LIMS2: variants seen among roughly 807,000 people sequenced by gnomAD.
LIMS2 encodes the protein LIM zinc finger domain containing 2, also known as LIM and senescent cell antigen-like-containing domain protein 2.
Under a neutral mutation model 45.3 loss-of-function variants are expected in LIMS2, and 30 were observed. That is an observed-to-expected ratio of 0.66 (90% confidence interval 0.50 to 0.90). The LOEUF (loss-of-function observed/expected upper bound fraction) is 0.90. Among genes scored for constraint, LIMS2 ranks in the 40% least tolerant of loss-of-function variants. The probability of loss-of-function intolerance (pLI) is 0.00; values close to 1 mark genes in which losing one functional copy is unlikely to be tolerated. For missense variants in LIMS2, 485 were observed against 468.7 expected, an observed-to-expected ratio of 1.03 and a Z score of -0.32; for synonymous variants, 173 against 188.0, an observed-to-expected ratio of 0.92 and a Z score of 0.65.
rs1324723100 is a variant in LIMS2 at position 127,653,081 on chromosome 2, C to T, written c.359+1343G>A. Among the ~76,000 whole-genome samples the T allele has an allele frequency of 6.6e-6, 1 of 152,188 alleles. No individual in the cohort carries two copies. The highest frequency in any genetic ancestry group is 1.5e-5 in the Non-Finnish European group (1 of 68,030). ...TGCACTGCACCGTCTGCCCCTCAGC[C>T]CTTCATTTAGACAAGCTGCTCAATG... is the stretch of plus-strand genomic sequence containing the variant. On this transcript the variant is annotated intron_variant, in intron 4 of 9. Coordinates refer to ENST00000355119, the MANE Select transcript of LIMS2 (RefSeq NM_001161403.3). The surrounding 1 kb of genome is among the most constrained non-coding windows in gnomAD (Gnocchi z 5.3).
rs143117627 is a variant in LIMS2, at chr2:127,657,535, G to T, written c.39C>A (p.Ala13=). ...GSNMSDALAN[A]VCQRCQARFS... ...AGCGGGCCTGGCAGCGCTGGCACAC[G>T]GCGTTGGCCAAGGCGTCCGACATAT... Residue 13 remains alanine, a synonymous_variant, in exon 2 of 10, where the codon GCC becomes GCA. Coordinates refer to ENST00000355119, the MANE Select transcript of LIMS2 (RefSeq NM_001161403.3). 1.2e-6 allele frequency: 2 copies of T among 1,609,558 alleles called. No homozygotes were observed. Among genetic ancestry groups the T allele is most frequent in the African/African-American group, 2.7e-5 (2 of 75,052 alleles).
At position 127,659,104 on chromosome 2, in the gene LIMS2, T is replaced by C. The variant is rs558269721; in HGVS notation, c.12-1542A>G. Reference sequence around the variant, plus strand: ...CTGGGCATGGGCTGTGGGCGGAGGGTCTCACAGGAGGCTGCTGCGAAATGG... The same window carrying C: ...CTGGGCATGGGCTGTGGGCGGAGGGCCTCACAGGAGGCTGCTGCGAAATGG... On this transcript the variant is annotated intron_variant, in intron 1 of 9. Transcript: ENST00000355119. Among the ~76,000 whole-genome samples the C allele has an allele frequency of 2.7e-5, 4 of 150,666 alleles. No individual in the cohort carries two copies. The East Asian group carries it at 7.8e-4, about 29-fold the overall frequency.
At chr2:127,648,242 T>C in intron 4 of LIMS2, 4 of 975,762 alleles carry the variant, frequency 4.1e-6, no homozygotes, top group Non-Finnish European at 4.9e-6. Context: ...GTGTTAGAAC[T>C]TCAGGCATCT....
At chr2:127,673,869 G>A (rs943067808) in intron 1 of LIMS2, 80 of 778,122 alleles carry the variant, frequency 1.0e-4, no homozygotes, top group Admixed American at 2.3e-4. Context: ...GCCACTCTCC[G>A]GGGGATGAGT....
chr2:127,675,380 A>T lies in LIMS2; in HGVS notation c.-356T>A, dbSNP rs1468462905. 1.5e-4 allele frequency: 2 copies of T among 13,466 alleles called. No homozygotes were observed. The highest frequency in any genetic ancestry group is 2.9e-4 in the Non-Finnish European group (2 of 6,798). The allele number at this position is 13,466 out of a possible 1,614,324, so 0.8% of individuals were successfully genotyped here. A position where few individuals can be genotyped will look rare whatever the true frequency, so the allele number is the denominator to read the frequency against. The stretch of plus-strand genomic sequence containing the variant: ...CTGACGGTGGGGTTGGAGGGGTGAG[A>T]GTGAGGCGGGGGTGGGAGTGGGGGT... On this transcript the variant is annotated 5_prime_UTR_variant, in exon 1 of 10. Coordinates refer to ENST00000355119, the MANE Select transcript of LIMS2 (RefSeq NM_001161403.3).
upstream of LIMS2, among the ~76,000 whole-genome samples, chr2:127,679,519 C>T (rs1373667614): frequency 6.6e-6 from 1 of 152,052 alleles, no homozygotes. This position sits in a 1 kb window ranked among gnomAD's most constrained non-coding sequence, Gnocchi z 5.3. Flanking sequence ...GAAGGAGGTG[C>T]AGCATCTCCC....
chr2:127,661,851 A>C (rs1400994733), intron 1 of LIMS2, among the ~76,000 whole-genome samples: 1 of 152,200 alleles, frequency 6.6e-6, no homozygotes, highest in African/African-American at 2.4e-5. Flanking sequence ...AGAGAGAGTC[A>C]GTAACCAGCT....
At chr2:127,648,234 GT>G in intron 4 of LIMS2, 2 of 982,726 alleles carry the variant, frequency 2.0e-6, no homozygotes, top group Non-Finnish European at 1.2e-6. Flanking sequence ...CATCTCTGGT[GT>G]TAGAACTTCA....
At position 127,654,299 on chromosome 2, in the gene LIMS2, C is replaced by T. The variant is rs538929535; in HGVS notation, c.359+125G>A. Reference sequence around the variant, plus strand: ...TGACCTGGAGGGAGGGCAGCTACATCAGTGCAGGCTGCAGCACCGGGACCC... The same window carrying T: ...TGACCTGGAGGGAGGGCAGCTACATTAGTGCAGGCTGCAGCACCGGGACCC... On this transcript the variant is annotated intron_variant, in intron 4 of 9. Transcript: ENST00000355119. 2.0e-5 allele frequency: 27 copies of T among 1,322,924 alleles called. No homozygotes were observed. The South Asian group carries it at 3.5e-4, about 17-fold the overall frequency. 81.9% of individuals were successfully genotyped at this position (1,322,924 alleles called of 1,614,324 possible).
At chr2:127,661,324 G>A (rs1413319075) in intron 1 of LIMS2, among the ~76,000 whole-genome samples, 2 of 152,236 alleles carry the variant, frequency 1.3e-5, no homozygotes, top group East Asian at 1.9e-4. Context: ...TGGCACCCAC[G>A]TGTCCAGCAC....
At chr2:127,648,965 GGGGGGAGGGGAGGGA>G (rs1558877359) in intron 4 of LIMS2, among the ~76,000 whole-genome samples, 2 of 23,402 alleles carry the variant, frequency 8.5e-5, no homozygotes, top group African/African-American at 3.7e-4. Flanking sequence ...GGGAGGGGAG[GGGGGGAGGGGAGGGA>G]GGGGAGGGGA....
intron 4 of LIMS2, among the ~76,000 whole-genome samples, chr2:127,649,167 G>GGAAGGAAGGAAGGAAGGAAA (rs1558878358): frequency 2.3e-5 from 2 of 86,706 alleles, no homozygotes; most frequent in African/African-American, 6.1e-5. Flanking sequence ...GAGGAAGGTA[G>GGAAGGAAGGAAGGAAGGAAA]GAAGGAAGGA....
chr2:127,640,891 C>T lies in LIMS2; in HGVS notation c.753+5G>A, dbSNP rs763479900. 2 of 1,613,146 alleles carry T rather than the reference C, an allele frequency of 1.2e-6. No individual in the cohort carries two copies. The highest frequency in any genetic ancestry group is 1.1e-5 in the South Asian group (1 of 91,074). On this transcript the variant is annotated splice_donor_5th_base_variant and intron_variant, in intron 7 of 9. Transcript: ENST00000355119. ...GCATCCCTGAAGGTTCTGCACCGGG[C>T]TCACCTGGTTGTAGTGAGTCTCGCA...
chr2:127,651,659 G>C lies in LIMS2; in HGVS notation c.359+2765C>G, dbSNP rs199833483. On this transcript the variant is annotated intron_variant, in intron 4 of 9. Coordinates refer to ENST00000355119, the MANE Select transcript of LIMS2 (RefSeq NM_001161403.3). ...TGGCTGAGAAGTTCCGCCACGCCCT[G>C]TGCAACTTGCTCTGTGGCAAAAGGC... The C allele has an allele frequency of 3.7e-4, 596 of 1,613,442 alleles. 2 individuals are homozygous for C. Among genetic ancestry groups the C allele is most frequent in the Non-Finnish European group, 3.6e-4 (422 of 1,180,040 alleles).
chr2:127,667,558 A>C lies in LIMS2; in HGVS notation c.11+7456T>G, dbSNP rs1023517980. ...TGGTTTCACATCCAAAATTCAATGT[A>C]ATATACCATATCAATAGAATATAGG... is the stretch of plus-strand genomic sequence containing the variant. On this transcript the variant is annotated intron_variant, in intron 1 of 9. Transcript: ENST00000355119. The surrounding 1 kb of genome is among the most constrained non-coding windows in gnomAD (Gnocchi z 4.1). 2.6e-5 allele frequency among the ~76,000 whole-genome samples: 4 copies of C among 152,258 alleles called. No homozygotes were observed. Among genetic ancestry groups the C allele is most frequent in the African/African-American group, 9.6e-5 (4 of 41,466 alleles).
rs1558900845 is a variant in LIMS2, at chr2:127,667,732, C to T, written c.11+7282G>A. On this transcript the variant is annotated intron_variant, in intron 1 of 9. Transcript: ENST00000355119. The surrounding 1 kb of genome is among the most constrained non-coding windows in gnomAD (Gnocchi z 4.1). Reference sequence around the variant, plus strand: ...GCATCTACCCAAAACCCATAGCTAACATCATACTTAGTGATGAGAAAATGA... The same window carrying T: ...GCATCTACCCAAAACCCATAGCTAATATCATACTTAGTGATGAGAAAATGA... Among the ~76,000 whole-genome samples, 1 of 152,216 alleles carries T rather than the reference C, an allele frequency of 6.6e-6. No individual in the cohort carries two copies. Among genetic ancestry groups the T allele is most frequent in the African/African-American group, 2.4e-5 (1 of 41,458 alleles).
chr2:127,668,692 AAAAAAAAAAAAAAAAAAAAC>A (rs1426971603), intron 1 of LIMS2, among the ~76,000 whole-genome samples: 26 of 134,252 alleles, frequency 1.9e-4, no homozygotes, highest in African/African-American at 4.6e-4. Flanking sequence ...AAAAAAAAAA[AAAAAAAAAAAAAAAAAAAAC>A]ACCTTACTTA....
chr2:127,680,721 G>A (rs867420071), intron 1 of LIMS2, among the ~76,000 whole-genome samples: 2 of 152,176 alleles, frequency 1.3e-5, no homozygotes, highest in African/African-American at 4.8e-5. Flanking sequence ...GTGGACCATC[G>A]AGCTTCACAA....
intron 4 of LIMS2, chr2:127,646,282 G>C (rs955505352): frequency 2.0e-5 from 3 of 152,398 alleles, no homozygotes; most frequent in African/African-American, 7.2e-5. Context: ...TGGGAGCCCA[G>C]GGCTAAGCAG....
Sources: gnomAD v4.1 joint callset for allele counts (sites outside exome capture counted in the v4.1 genomes callset) on GRCh38, gnomAD v4.1.1 for gene constraint, Gnocchi (gnomAD v3.1) non-coding constraint, MANE v1.5 for transcripts, NCBI Gene and HGNC (gene_info 2026-07-23, HGNC 2026-07-21) for gene names.